Variants in SBF2 observed in about 807,000 individuals in gnomAD.
SBF2 encodes the protein myotubularin-related protein 13.
SBF2 carries 112 observed loss-of-function variants against 225.2 expected under a neutral mutation model. The observed-to-expected ratio is 0.50, with a 90% CI of 0.43 to 0.58. The LOEUF is 0.58. Ranked by LOEUF, SBF2 falls within the 20% of genes least tolerant of loss-of-function variation. The pLI, the probability that SBF2 is intolerant of heterozygous loss-of-function variation, is 0.00. For missense variants in SBF2, 1,996 were observed against 2,206.2 expected, an observed-to-expected ratio of 0.90 and a Z score of 1.91; for synonymous variants, 763 against 773.3, an observed-to-expected ratio of 0.99 and a Z score of 0.22.
chr11:10,169,888 T>C (rs1342179675), intron 2 of SBF2, among the ~76,000 whole-genome samples: 4 of 152,218 alleles, frequency 2.6e-5, no homozygotes, highest in South Asian at 2.1e-4. Flanking sequence ...TGGGGTGAGA[T>C]GGTATCTCGT....
In SBF2 at chr11:10,011,738, C is replaced by T. The variant is rs1262752730; in HGVS notation, c.620-9049G>A. ...GACCCGCTGCAATAATATTATAGTT[C>T]TATTGATTCATATAGATGAATTATT... is the stretch of plus-strand genomic sequence containing the variant. On this transcript the variant is annotated intron_variant, in intron 6 of 39. Coordinates refer to ENST00000256190, the MANE Select transcript of SBF2 (RefSeq NM_030962.4). Among the ~76,000 whole-genome samples, 3 of 152,148 alleles carry T rather than the reference C, an allele frequency of 2.0e-5. No individual in the cohort carries two copies. The East Asian group carries it at 5.8e-4, about 29-fold the overall frequency.
At chr11:10,237,939 T>C (rs563367001) in intron 1 of SBF2, among the ~76,000 whole-genome samples, 1 of 152,358 alleles carries the variant, frequency 6.6e-6, no homozygotes, top group African/African-American at 2.4e-5. Flanking sequence ...ATTAATCCAC[T>C]GAAAGACATT....
At chr11:10,285,246 G>C (rs184570966) in intron 1 of SBF2, among the ~76,000 whole-genome samples, 3 of 139,746 alleles carry the variant, frequency 2.1e-5, no homozygotes, top group African/African-American at 7.4e-5. Context: ...GGAGATCAAG[G>C]CTTCAGTAAA....
intron 16 of SBF2, chr11:9,961,429 T>C (rs1866560215): frequency 6.6e-6 from 1 of 152,662 alleles, no homozygotes; most frequent in African/African-American, 2.4e-5. Flanking sequence ...GGAAACAAGA[T>C]TATTAGCTTC....
chr11:10,099,292 C>A (rs1029701510), intron 2 of SBF2, among the ~76,000 whole-genome samples: 1 of 151,744 alleles, frequency 6.6e-6, no homozygotes, highest in Non-Finnish European at 1.5e-5. Context: ...TGTTACGGAC[C>A]AGAAGAAAGG....
chr11:9,881,609 A>T (rs1193936800), intron 17 of SBF2, among the ~76,000 whole-genome samples: 2 of 152,128 alleles, frequency 1.3e-5, no homozygotes, highest in Non-Finnish European at 2.9e-5. Flanking sequence ...ACACTTTGGC[A>T]TGGAGCATGC....
intron 2 of SBF2, among the ~76,000 whole-genome samples, chr11:10,073,222 A>C (rs921447765): frequency 3.9e-5 from 6 of 152,186 alleles, no homozygotes; most frequent in Non-Finnish European, 7.3e-5. Context: ...AAGAGAAATA[A>C]AGTAAGCTTT....
intron 1 of SBF2, among the ~76,000 whole-genome samples, chr11:10,249,304 G>C (rs1459460589): frequency 6.6e-6 from 1 of 152,100 alleles, no homozygotes; most frequent in Non-Finnish European, 1.5e-5. Flanking sequence ...GATTAAGATT[G>C]GACAGATTTG....
intron 3 of SBF2, among the ~76,000 whole-genome samples, chr11:10,036,521 T>C (rs942954692): frequency 5.3e-5 from 8 of 152,152 alleles, no homozygotes; most frequent in African/African-American, 1.9e-4. Context: ...ATCTTTAAAA[T>C]CAGATATAGT....
intron 25 of SBF2, among the ~76,000 whole-genome samples, chr11:9,841,999 C>G (rs1856193629): frequency 6.6e-6 from 1 of 152,190 alleles, no homozygotes; most frequent in Non-Finnish European, 1.5e-5. Flanking sequence ...GGTGTAATGG[C>G]ATTCTGCCTC....
intron 1 of SBF2, among the ~76,000 whole-genome samples, chr11:10,270,346 ATATG>A (rs1426555871): frequency 6.6e-6 from 1 of 152,190 alleles, no homozygotes; most frequent in Non-Finnish European, 1.5e-5. Context: ...GTTAATGTTT[ATATG>A]TATTATATAA....
chr11:10,267,908 C>T (rs1962148543), intron 1 of SBF2, among the ~76,000 whole-genome samples: 1 of 152,124 alleles, frequency 6.6e-6, no homozygotes, highest in African/African-American at 2.4e-5. Flanking sequence ...TTGTTCCTCT[C>T]ATTTCTTTCC....
intron 1 of SBF2, among the ~76,000 whole-genome samples, chr11:10,280,230 G>A (rs1266854184): frequency 6.6e-6 from 1 of 152,090 alleles, no homozygotes; most frequent in African/African-American, 2.4e-5. Flanking sequence ...TTAACGAAAT[G>A]ACAATTTTAG....
chr11:10,219,941 C>T (rs1958281600), intron 1 of SBF2, among the ~76,000 whole-genome samples: 1 of 152,172 alleles, frequency 6.6e-6, no homozygotes, highest in African/African-American at 2.4e-5. Flanking sequence ...CTAAACTATT[C>T]CAACCTCTGC....
At chr11:9,884,655 G>A (rs897069016) in intron 17 of SBF2, among the ~76,000 whole-genome samples, 1 of 152,104 alleles carries the variant, frequency 6.6e-6, no homozygotes, top group African/African-American at 2.4e-5. Flanking sequence ...AGAGCTGTGG[G>A]TGCACAAAAT....
chr11:9,875,035 C>T (rs966238324), intron 17 of SBF2, among the ~76,000 whole-genome samples: 6 of 152,108 alleles, frequency 3.9e-5, no homozygotes, highest in African/African-American at 1.4e-4. Context: ...AACTTATAGA[C>T]TGTATTTATT....
At chr11:10,025,735 C>T (rs1223681402) in intron 6 of SBF2, among the ~76,000 whole-genome samples, 1 of 151,978 alleles carries the variant, frequency 6.6e-6, no homozygotes, top group African/African-American at 2.4e-5. Flanking sequence ...GAGTAGCTGG[C>T]ACTACAGGCA....
At chr11:10,262,769 T>A (rs1961574432) in intron 1 of SBF2, among the ~76,000 whole-genome samples, 1 of 152,088 alleles carries the variant, frequency 6.6e-6, no homozygotes, top group Non-Finnish European at 1.5e-5. Flanking sequence ...TTTTTTTGAG[T>A]CCTTGATTAA....
At chr11:9,910,277 T>C (rs1324551629) in intron 16 of SBF2, among the ~76,000 whole-genome samples, 6 of 152,302 alleles carry the variant, frequency 3.9e-5, no homozygotes, top group Non-Finnish European at 7.3e-5. Flanking sequence ...GAGAGCACAG[T>C]GTAACACATT....
Sources: allele counts gnomAD v4.1 joint callset (sites outside exome capture counted in the v4.1 genomes callset), GRCh38; gene constraint gnomAD v4.1.1; transcripts MANE v1.5; gene names NCBI Gene and HGNC (gene_info 2026-07-23, HGNC 2026-07-21).